PKD1: variants seen among roughly 807,000 people sequenced by gnomAD.
PKD1 encodes the protein polycystin-1.
Under a neutral mutation model 361.7 loss-of-function variants are expected in PKD1, and 81 were observed. The ratio of observed to expected loss-of-function variants is 0.22; its 90% CI spans 0.19 to 0.27. The LOEUF is 0.27. Ranked by LOEUF, PKD1 falls within the 10% of genes least tolerant of loss-of-function variation. PKD1 has a pLI of 1.00. For synonymous variants in PKD1, 3,615 were observed against 2,818.3 expected, an observed-to-expected ratio of 1.28 and a Z score of -8.95; for missense variants, 6,399 against 6,118.3, an observed-to-expected ratio of 1.05 and a Z score of -1.53.
rs760304909 is a variant in PKD1, at chr16:2,106,102, G to A, written c.7692C>T (p.Val2564=). Residue 2564 remains valine, a synonymous_variant, in exon 19 of 46, where the codon GTC becomes GTT. Transcript: ENST00000262304. The surrounding 1 kb of genome is among the most constrained non-coding windows in gnomAD (Gnocchi z 6.5). ...ACGGCCTGGCTCACCTGTTGAGGGCGACCACAGCGGCTCCCAGCTGGTCCT... is the reference window on the plus strand; with the variant it reads ...ACGGCCTGGCTCACCTGTTGAGGGCAACCACAGCGGCTCCCAGCTGGTCCT... ...VVQDQLGAAV[V]ALNRSLAITL... is the part of the protein sequence containing the mutation. 87 of 1,604,542 alleles carry A rather than the reference G, an allele frequency of 5.4e-5. No homozygotes were observed. The highest frequency in any genetic ancestry group is 3.1e-4 in the South Asian group (28 of 90,652).
rs1365412064 is a variant in PKD1 at position 2,113,208 on chromosome 16, C to G, written c.2938G>C (p.Val980Leu). Residue 980 changes from valine (V) to leucine (L), a missense_variant, in exon 12 of 46, where the codon GTG becomes CTG. Coordinates refer to ENST00000262304, the MANE Select transcript of PKD1 (RefSeq NM_001009944.3). ...CTCTGATAAATGACATTGAAGACCA[C>G]GTTCTGGAAGGTCAGGGACTGCTTG... ...NDKQSLTFQN[V>L]VFNVIYQSAA... 1.2e-5 allele frequency: 16 copies of G among 1,384,780 alleles called. No individual in the cohort carries two copies. In the South Asian group the frequency reaches 1.6e-4, roughly 14 times the overall value. The allele number at this position is 1,384,780 out of a possible 1,614,324, so 85.8% of individuals were successfully genotyped here.
chr16:2,115,325 A>G, intron 10 of PKD1, 53 bp downstream of exon 10: 2 of 1,430,660 alleles, frequency 1.4e-6, no homozygotes, highest in Non-Finnish European at 1.9e-6. Context: ...GGCAGCAGAC[A>G]GGAAGGTGGC....
intron 15 of PKD1, 65 bp downstream of exon 15, chr16:2,108,187 T>C (rs2092408684): frequency 1.3e-5 from 19 of 1,509,832 alleles, no homozygotes; most frequent in Non-Finnish European, 1.7e-5. Flanking sequence ...GCAAGCTGGG[T>C]GTTCTCTGGG....
At chr16:2,112,689 C>G (rs2092547355) in intron 13 of PKD1, 99 bp downstream of exon 13, 22 of 1,349,434 alleles carry the variant, frequency 1.6e-5, no homozygotes, top group Non-Finnish European at 2.2e-5. Context: ...GAAACCGAGG[C>G]TCAGAAAAGC....
chr16:2,125,255 G>A (rs1567225215), intron 1 of PKD1, among the ~76,000 whole-genome samples: 1 of 152,140 alleles, frequency 6.6e-6, no homozygotes, highest in Non-Finnish European at 1.5e-5. Flanking sequence ...TGCTGGCTCC[G>A]CCTACCACTT....
Position 2,110,547 on chromosome 16 carries a change from G to C in PKD1, c.4620C>G (p.Leu1540=). Residue 1540 remains leucine (L), a synonymous_variant, in exon 15 of 46, where the codon CTC becomes CTG. Coordinates refer to ENST00000262304, the MANE Select transcript of PKD1 (RefSeq NM_001009944.3). ...WNEVSRSEAW[L]NVTVKRRVRG... ...GCACGCGCCGCTTCACCGTCACATT[G>C]AGCCAGGCCTCGCTGCGGCTCACCT... The C allele has an allele frequency of 1.9e-6, 3 of 1,611,554 alleles. No individual in the cohort carries two copies. Among genetic ancestry groups the C allele is most frequent in the Non-Finnish European group, 2.5e-6 (3 of 1,179,812 alleles).
rs2091409710 is a variant in PKD1, at chr16:2,090,129, C to T, written c.12510G>A (p.Lys4170=). 2 of 1,597,884 alleles carry T rather than the reference C, an allele frequency of 1.3e-6. No individual in the cohort carries two copies. The highest frequency in any genetic ancestry group is 1.1e-5 in the South Asian group (1 of 89,926). ...TGGGTGGGGGCACATCCGGGGATAC[C>T]TTGGAGCCCCTGGAGGAGCGAGAGG... ...PLPSRSSRGS[K]VSPDVPPPSA... Residue 4170 remains lysine (K), a synonymous_variant, in exon 46 of 46, where the codon AAG becomes AAA. Coordinates refer to ENST00000262304, the MANE Select transcript of PKD1 (RefSeq NM_001009944.3).
Position 2,106,824 on chromosome 16 carries a change from C to T in PKD1, c.7190G>A (p.Ser2397Asn), listed in dbSNP as rs769942813. The T allele has an allele frequency of 3.1e-5, 48 of 1,548,072 alleles. No individual in the cohort carries two copies. The East Asian group carries it at 9.8e-4, about 32-fold the overall frequency. Residue 2397 changes from serine to asparagine, a missense_variant, in exon 17 of 46, where the codon AGC becomes AAC. Ser to Asn is a conservative substitution (Grantham distance 46). Transcript: ENST00000262304. This position sits in a 1 kb window ranked among gnomAD's most constrained non-coding sequence, Gnocchi z 6.5. Reference protein sequence around the residue: ...VYLEGRCLNCSSGSKRGRWAA... With the variant: ...VYLEGRCLNCNSGSKRGRWAA... Reference sequence around the variant, plus strand: ...ACTCACCCCTCGCTTGGAGCCGCTGCTGCAATTGAGGCAGCGGCCCTCCAA... The same window carrying T: ...ACTCACCCCTCGCTTGGAGCCGCTGTTGCAATTGAGGCAGCGGCCCTCCAA...
At position 2,088,853 on chromosome 16, in the gene PKD1, C is replaced by A; in HGVS notation, c.*874G>T. 1.7e-6 allele frequency: 1 copy of A among 575,248 alleles called. No homozygotes were observed. Among genetic ancestry groups the A allele is most frequent in the South Asian group, 2.0e-5 (1 of 50,016 alleles). 35.6% of individuals were successfully genotyped at this position (575,248 alleles called of 1,614,324 possible). ...CCGAGGGCCTTGAGGCTGCCTGGGC[C>A]ATACAGCACACTCGCGCGTGCGCGC... On this transcript the variant is annotated 3_prime_UTR_variant, in exon 46 of 46. Coordinates refer to ENST00000262304, the MANE Select transcript of PKD1 (RefSeq NM_001009944.3).
At chr16:2,104,813 C>T (rs1239560990) in intron 21 of PKD1, among the ~76,000 whole-genome samples, 171 bp from the exon 22 acceptor site, 1 of 141,644 alleles carries the variant, frequency 7.1e-6, no homozygotes, top group African/African-American at 2.7e-5. Flanking sequence ...CTCTGCATGA[C>T]CCAGGGCCTC....
At chr16:2,121,266 T>C (rs142702427) in intron 1 of PKD1, among the ~76,000 whole-genome samples, 1 of 147,020 alleles carries the variant, frequency 6.8e-6, no homozygotes, top group Admixed American at 6.8e-5. Context: ...TCAGGAGGCT[T>C]AGGCAGGAGA....
rs144512402 is a variant in PKD1 at position 2,111,220 on chromosome 16, T to C, written c.3947A>G (p.Tyr1316Cys). 4.3e-6 allele frequency: 7 copies of C among 1,611,234 alleles called. No individual in the cohort carries two copies. The highest frequency in any genetic ancestry group is 1.9e-4 in the Middle Eastern group (1 of 5,306). The change falls in exon 15 of 46, where the codon TAC becomes TGC. Residue 1316 changes from tyrosine to cysteine, a missense_variant. Transcript: ENST00000262304. Reference protein sequence around the residue: ...PTQPDARLTAYVTGNPAHYLF... With the variant: ...PTQPDARLTACVTGNPAHYLF... The stretch of plus-strand genomic sequence containing the variant: ...GTAGTGGGCCGGGTTCCCGGTGACG[T>C]AGGCCGTGAGCCGCGCGTCAGGCTG...
rs775922660 is a variant in PKD1, at chr16:2,090,102, G to C, written c.12537C>G (p.Ser4179Arg). Reference protein sequence around the residue: ...SKVSPDVPPPSAGSDASHPST... With the variant: ...SKVSPDVPPPRAGSDASHPST... ...AGGGGTGCGAGGCATCGGAGCCAGC[G>C]CTGGGTGGGGGCACATCCGGGGATA... Residue 4179 changes from serine (S) to arginine (R), a missense_variant, in exon 46 of 46, where the codon AGC becomes AGG. Coordinates refer to ENST00000262304, the MANE Select transcript of PKD1 (RefSeq NM_001009944.3). 3.7e-6 allele frequency: 6 copies of C among 1,605,034 alleles called. No homozygotes were observed. The highest frequency in any genetic ancestry group is 2.2e-5 in the East Asian group (1 of 44,716).
rs1298281966 is a variant in PKD1, at chr16:2,102,375, A to G, written c.9201+6T>C. On this transcript the variant is annotated splice_donor_region_variant and intron_variant, in intron 25 of 45. Transcript: ENST00000262304. ...CAGAGGCTCCCAGGAGCACAGGGTC[A>G]CTCACAGGAAACACAAAGCGGACAT... 6.4e-7 allele frequency: 1 copy of G among 1,554,296 alleles called. No individual in the cohort carries two copies. Among genetic ancestry groups the G allele is most frequent in the African/African-American group, 1.4e-5 (1 of 73,244 alleles).
At chr16:2,092,239 C>G (rs2091625937) in intron 39 of PKD1, 51 bp from the exon 40 acceptor site, 7 of 1,538,590 alleles carry the variant, frequency 4.5e-6, no homozygotes, top group Non-Finnish European at 4.4e-6. Flanking sequence ...CAAAACCCAA[C>G]AGGAGTGTTT....
chr16:2,111,499 A>G lies in PKD1; in HGVS notation c.3668T>C (p.Val1223Ala). 7 of 1,610,956 alleles carry G rather than the reference A, an allele frequency of 4.3e-6. No homozygotes were observed. Among genetic ancestry groups the G allele is most frequent in the South Asian group, 1.1e-5 (1 of 90,836 alleles). Residue 1223 changes from valine (V) to alanine (A), a missense_variant, in exon 15 of 46, where the codon GTG (valine) becomes GCG (alanine). Transcript: ENST00000262304. ...GACCACCACGGGGGCGCCCTGCTCCACGGCCAGGCTCATGTCCACGCTGAG... is the reference window on the plus strand; with the variant it reads ...GACCACCACGGGGGCGCCCTGCTCCGCGGCCAGGCTCATGTCCACGCTGAG... ...RGLSVDMSLA[V>A]EQGAPVVVSA...
At chr16:2,132,359 G>A (rs539103054) in intron 1 of PKD1, among the ~76,000 whole-genome samples, 5 of 151,810 alleles carry the variant, frequency 3.3e-5, no homozygotes, top group African/African-American at 9.7e-5. Context: ...CACGAGGTCA[G>A]GAGATCGAGA....
chr16:2,094,551 G>A (rs1364668337), intron 34 of PKD1, among the ~76,000 whole-genome samples: 1 of 152,206 alleles, frequency 6.6e-6, no homozygotes, highest in Non-Finnish European at 1.5e-5. Flanking sequence ...AACTATGATT[G>A]GGTCTCAACC....
intron 1 of PKD1, among the ~76,000 whole-genome samples, chr16:2,129,521 ATC>A (rs1357375157): frequency 1.4e-5 from 2 of 144,816 alleles, no homozygotes; most frequent in East Asian, 4.0e-4. Context: ...CTTTGGAGAA[ATC>A]TCTGTTCAGA....
Sources: allele counts gnomAD v4.1 joint callset (sites outside exome capture counted in the v4.1 genomes callset), GRCh38; gene constraint gnomAD v4.1.1; non-coding constraint Gnocchi (gnomAD v3.1); transcripts MANE v1.5; gene names NCBI Gene and HGNC (gene_info 2026-07-23, HGNC 2026-07-21).